Variants in TASP1 observed in about 807,000 individuals in gnomAD.
The protein encoded by TASP1 is threonine aspartase 1.
A neutral mutation model predicts 56.6 loss-of-function variants in TASP1; 16 were observed. The ratio of observed to expected loss-of-function variants is 0.28; its 90% CI spans 0.19 to 0.43. The LOEUF is 0.43. TASP1 is among the 20% of genes least tolerant of loss of function. TASP1 has a pLI of 1.00. For missense variants in TASP1, 393 were observed against 511.6 expected, an observed-to-expected ratio of 0.77 and a Z score of 2.24; for synonymous variants, 179 against 184.2, an observed-to-expected ratio of 0.97 and a Z score of 0.23.
At chr20:13,242,395 G>A in the TASP1 span, among the ~76,000 whole-genome samples, 1 of 152,188 alleles carries the variant, frequency 6.6e-6, no homozygotes, top group Admixed American at 6.5e-5. Context: ...AGGAGGAAGG[G>A]GAAGAAAAAG....
chr20:13,461,492 C>T (rs1038246778), intron 11 of TASP1, among the ~76,000 whole-genome samples: 5 of 152,104 alleles, frequency 3.3e-5, no homozygotes, highest in Admixed American at 6.5e-5. Context: ...GGAGCCACCC[C>T]GATGGAAGGG....
chr20:13,128,540 G>C, the TASP1 span, among the ~76,000 whole-genome samples: 1 of 152,130 alleles, frequency 6.6e-6, no homozygotes, highest in Admixed American at 6.6e-5. Flanking sequence ...TCAGCCTAGA[G>C]GTGACTCTTA....
At chr20:13,199,056 C>A in the TASP1 span, among the ~76,000 whole-genome samples, 6 of 148,884 alleles carry the variant, frequency 4.0e-5, no homozygotes, top group Admixed American at 1.3e-4. Flanking sequence ...CAGGCATGTG[C>A]CACCATACCT....
chr20:13,534,011 T>C lies in TASP1; in HGVS notation c.795+11A>G, dbSNP rs373977209. On this transcript the variant is annotated intron_variant, in intron 9 of 13. Coordinates refer to ENST00000337743, the MANE Select transcript of TASP1 (RefSeq NM_017714.3). ...TTGAAAGGCTAGTTTAAAAAACCCA[T>C]AATTACTTACCTGCCCAACTCTCCC... The C allele has an allele frequency of 7.5e-6, 12 of 1,606,570 alleles. No individual in the cohort carries two copies. The African/African-American group carries it at 1.6e-4, about 22-fold the overall frequency.
the TASP1 span, among the ~76,000 whole-genome samples, chr20:13,306,564 C>CAAAAAAAAAAAGAAAAAAAG: frequency 1.6e-5 from 1 of 63,914 alleles, no homozygotes; most frequent in Non-Finnish European, 2.6e-5. Context: ...GGAGAAAGGA[C>CAAAAAAAAAAAGAAAAAAAG]AAAAAAAAAA....
the TASP1 span, chr20:13,222,031 A>G: frequency 9.8e-7 from 1 of 1,019,702 alleles, no homozygotes; most frequent in Non-Finnish European, 1.3e-6. Flanking sequence ...ACCTAAGAGC[A>G]ACTGTTTTGG....
At chr20:13,260,759 G>T in the TASP1 span, among the ~76,000 whole-genome samples, 4 of 152,054 alleles carry the variant, frequency 2.6e-5, no homozygotes. Context: ...AATAACCAAG[G>T]TCCTATATCA....
chr20:13,440,443 A>C (rs2043173706), intron 11 of TASP1, among the ~76,000 whole-genome samples: 1 of 152,326 alleles, frequency 6.6e-6, no homozygotes, highest in Admixed American at 6.5e-5. Flanking sequence ...TGAAGCCAGA[A>C]GAGGCCAGGA....
chr20:13,387,433 C>T (rs1193798325), downstream of TASP1, among the ~76,000 whole-genome samples: 1 of 152,108 alleles, frequency 6.6e-6, no homozygotes, highest in Non-Finnish European at 1.5e-5. Context: ...AGGTGATCCA[C>T]CCACCTTGGT....
chr20:13,435,375 T>C (rs1325761917), intron 11 of TASP1, among the ~76,000 whole-genome samples: 1 of 152,098 alleles, frequency 6.6e-6, no homozygotes, highest in East Asian at 1.9e-4. Context: ...GTCAAGAAGA[T>C]GTAAGTGGGG....
intron 13 of TASP1, among the ~76,000 whole-genome samples, chr20:13,411,825 T>C (rs878935671): frequency 2.0e-5 from 3 of 152,240 alleles, no homozygotes; most frequent in Admixed American, 2.0e-4. Context: ...TCCAGATTTC[T>C]GTGTCATGGA....
chr20:13,519,774 C>T (rs2044670026), intron 10 of TASP1, among the ~76,000 whole-genome samples: 1 of 152,034 alleles, frequency 6.6e-6, no homozygotes, highest in Non-Finnish European at 1.5e-5. Context: ...CTGGCCAGGG[C>T]AATCAGGCAG....
the TASP1 span, among the ~76,000 whole-genome samples, chr20:13,312,878 T>A: frequency 1.3e-5 from 2 of 152,306 alleles, no homozygotes; most frequent in Non-Finnish European, 1.5e-5. Flanking sequence ...CCATTTCTTC[T>A]TTTCCCCACT....
At chr20:13,590,146 C>T (rs1240620377) in intron 4 of TASP1, among the ~76,000 whole-genome samples, 3 of 152,052 alleles carry the variant, frequency 2.0e-5, no homozygotes, top group Admixed American at 6.6e-5. Flanking sequence ...GCACGAGAAT[C>T]GCTTGAACCC....
intron 5 of TASP1, among the ~76,000 whole-genome samples, chr20:13,586,093 C>T (rs901421018): frequency 6.7e-6 from 1 of 148,606 alleles, no homozygotes; most frequent in Admixed American, 6.8e-5. Context: ...CGAGATCGCA[C>T]CACTGCACTC....
chr20:13,299,718 G>A, the TASP1 span: 1 of 374,964 alleles, frequency 2.7e-6, no homozygotes, highest in African/African-American at 2.0e-5. The surrounding 1 kb of genome is among the most constrained non-coding windows in gnomAD (Gnocchi z 5.8). Flanking sequence ...GGACAACTTG[G>A]AAGCCAGAAG....
chr20:13,540,594 T>A (rs1283345349), intron 8 of TASP1, among the ~76,000 whole-genome samples: 1 of 152,174 alleles, frequency 6.6e-6, no homozygotes, highest in African/African-American at 2.4e-5. Flanking sequence ...ACAATATGAA[T>A]AATCTTTCAG....
At chr20:13,187,568 T>A in the TASP1 span, among the ~76,000 whole-genome samples, 1 of 151,468 alleles carries the variant, frequency 6.6e-6, no homozygotes, top group East Asian at 1.9e-4. Flanking sequence ...GCCAATATGA[T>A]AAAACCCTGT....
intron 8 of TASP1, among the ~76,000 whole-genome samples, chr20:13,538,577 A>T (rs769365295): frequency 6.6e-6 from 1 of 152,144 alleles, no homozygotes; most frequent in Non-Finnish European, 1.5e-5. Context: ...ATACCCTAAC[A>T]TGACAGTACA....
Sources: gnomAD v4.1 joint callset for allele counts (sites outside exome capture counted in the v4.1 genomes callset) on GRCh38, gnomAD v4.1.1 for gene constraint, Gnocchi (gnomAD v3.1) non-coding constraint, MANE v1.5 for transcripts, NCBI Gene and HGNC (gene_info 2026-07-23, HGNC 2026-07-21) for gene names.